Variants in ROR1 observed in about 807,000 individuals in gnomAD.
ROR1 encodes inactive tyrosine-protein kinase transmembrane receptor ROR1.
A neutral mutation model predicts 78.8 loss-of-function variants in ROR1; 19 were observed. The observed-to-expected ratio is 0.24, with a 90% CI of 0.17 to 0.35. The LOEUF (loss-of-function observed/expected upper bound fraction) is 0.35, where lower values mean the gene tolerates loss of function less well. Among genes scored for constraint, ROR1 ranks in the 10% least tolerant of loss-of-function variants. The pLI is 1.00. For synonymous variants in ROR1, 386 were observed against 433.6 expected (o/e 0.89, Z 1.36); for missense variants, 917 against 1,177.8 (o/e 0.78, Z 3.24).
At chr1:63,976,915 C>G (rs1326402698) in intron 1 of ROR1, among the ~76,000 whole-genome samples, 1 of 152,178 alleles carries the variant, frequency 6.6e-6, no homozygotes, top group African/African-American at 2.4e-5. Flanking sequence ...TAAAGACATA[C>G]CCCAGACTGG....
At chr1:64,007,478 A>C (rs1646438113) in intron 1 of ROR1, among the ~76,000 whole-genome samples, 1 of 151,954 alleles carries the variant, frequency 6.6e-6, no homozygotes, top group Non-Finnish European at 1.5e-5. Context: ...TAAATTTTCA[A>C]AAAACAAGAA....
chr1:63,912,124 C>CAA (rs34115831), intron 1 of ROR1, among the ~76,000 whole-genome samples: 7 of 123,198 alleles, frequency 5.7e-5, no homozygotes, highest in African/African-American at 1.8e-4. Flanking sequence ...CCCATCTTTA[C>CAA]AAAAAAAAAA....
At chr1:63,889,584 C>CG (rs113347420) in intron 1 of ROR1, among the ~76,000 whole-genome samples, 4,218 of 152,202 alleles carry the variant, frequency 0.028, 183 homozygotes, top group African/African-American at 0.096. Context: ...AGGGTGCCCC[C>CG]GGATGGCTGT....
At chr1:64,040,416 T>C (rs894501083) in intron 2 of ROR1, among the ~76,000 whole-genome samples, 1 of 152,206 alleles carries the variant, frequency 6.6e-6, no homozygotes, top group Admixed American at 6.5e-5. Flanking sequence ...AAAGTGCACA[T>C]ATGATAAATA....
chr1:63,932,141 T>G (rs926592440), intron 1 of ROR1, among the ~76,000 whole-genome samples: 1 of 152,184 alleles, frequency 6.6e-6, no homozygotes, highest in Non-Finnish European at 1.5e-5. Flanking sequence ...AAAGCCAGTA[T>G]TATTAACCTC....
chr1:63,851,849 A>G (rs663103), intron 1 of ROR1, among the ~76,000 whole-genome samples: 25,566 of 152,216 alleles, frequency 0.17, 4,569 homozygotes, highest in African/African-American at 0.45. Context: ...GGGTTGGTGG[A>G]TGATAAGTGT....
chr1:63,906,514 C>A (rs987164518), intron 1 of ROR1, among the ~76,000 whole-genome samples: 1 of 152,156 alleles, frequency 6.6e-6, no homozygotes, highest in African/African-American at 2.4e-5. Context: ...GTGTCAGTTC[C>A]CGTAACCCCT....
chr1:64,144,782 T>C (rs1057002527), intron 7 of ROR1, among the ~76,000 whole-genome samples: 3 of 152,182 alleles, frequency 2.0e-5, no homozygotes, highest in African/African-American at 7.2e-5. Flanking sequence ...GCAAAATGAA[T>C]CTGCTTAATG....
chr1:63,984,740 G>T (rs1464178051), intron 1 of ROR1, among the ~76,000 whole-genome samples: 2 of 152,122 alleles, frequency 1.3e-5, no homozygotes, highest in Non-Finnish European at 2.9e-5. Flanking sequence ...TTTCATTCTG[G>T]TGTTTCTTTT....
chr1:63,799,530 A>G (rs1405199997), intron 1 of ROR1, among the ~76,000 whole-genome samples: 6 of 152,164 alleles, frequency 3.9e-5, no homozygotes, highest in Non-Finnish European at 7.4e-5. Context: ...ATATTGTGCA[A>G]TTCTGCTTTT....
chr1:64,025,385 A>G (rs1430739395), intron 2 of ROR1, among the ~76,000 whole-genome samples: 1 of 152,194 alleles, frequency 6.6e-6, no homozygotes, highest in East Asian at 1.9e-4. Flanking sequence ...ACTATGGAAA[A>G]AACAGCATGG....
intron 4 of ROR1, among the ~76,000 whole-genome samples, chr1:64,082,812 C>G (rs1274809415): frequency 6.6e-6 from 1 of 152,228 alleles, no homozygotes; most frequent in African/African-American, 2.4e-5. Flanking sequence ...TCTTCTTTCT[C>G]AGATATCAAG....
chr1:64,159,817 T>A (rs898781772), intron 8 of ROR1, among the ~76,000 whole-genome samples: 4 of 152,182 alleles, frequency 2.6e-5, no homozygotes, highest in Non-Finnish European at 5.9e-5. Flanking sequence ...CTTCCCCACT[T>A]TGAGCTAAAT....
intron 1 of ROR1, among the ~76,000 whole-genome samples, chr1:63,977,924 G>T (rs1646174849): frequency 6.6e-6 from 1 of 152,102 alleles, no homozygotes; most frequent in South Asian, 2.1e-4. Context: ...CTTTATAAGA[G>T]CACTTAAGTT....
intron 8 of ROR1, among the ~76,000 whole-genome samples, chr1:64,164,514 C>T (rs1650031562): frequency 6.6e-6 from 1 of 152,178 alleles, no homozygotes; most frequent in South Asian, 2.1e-4. Context: ...ATTTTTTACA[C>T]TTTGAGATAG....
intron 1 of ROR1, among the ~76,000 whole-genome samples, chr1:63,936,917 G>A (rs1237076633): frequency 6.6e-6 from 1 of 152,048 alleles, no homozygotes; most frequent in Non-Finnish European, 1.5e-5. Context: ...CCAAACACAG[G>A]GCCATTTGTT....
chr1:63,921,110 A>G (rs558722606), intron 1 of ROR1, among the ~76,000 whole-genome samples: 1 of 152,354 alleles, frequency 6.6e-6, no homozygotes, highest in Non-Finnish European at 1.5e-5. Context: ...GCCAGACACC[A>G]TGATTAAAGG....
intron 1 of ROR1, among the ~76,000 whole-genome samples, chr1:63,825,105 C>A (rs1394308368): frequency 6.6e-6 from 1 of 152,182 alleles, no homozygotes; most frequent in Non-Finnish European, 1.5e-5. Context: ...GGTGCAGCCA[C>A]TTTGGACAAC....
At chr1:63,934,347 G>T (rs1645777214) in intron 1 of ROR1, among the ~76,000 whole-genome samples, 1 of 152,194 alleles carries the variant, frequency 6.6e-6, no homozygotes, top group African/African-American at 2.4e-5. Context: ...TTAAGGCTCA[G>T]TTTGCTCATC....
Sources: allele counts gnomAD v4.1 joint callset (sites outside exome capture counted in the v4.1 genomes callset), GRCh38; gene constraint gnomAD v4.1.1; transcripts MANE v1.5; gene names NCBI Gene and HGNC (gene_info 2026-07-23, HGNC 2026-07-21).